Variants in CFAP96 observed in about 807,000 individuals in gnomAD.
CFAP96 encodes the protein cilia-and flagella-associated protein 96.
chr4:185,429,003 C>G, the CFAP96 span, among the ~76,000 whole-genome samples: 2 of 152,198 alleles, frequency 1.3e-5, no homozygotes, highest in Admixed American at 1.3e-4. Flanking sequence ...CCCTGAACTT[C>G]TCAAAAGAAG....
At chr4:185,424,975 G>A in the CFAP96 span, among the ~76,000 whole-genome samples, 1 of 152,338 alleles carries the variant, frequency 6.6e-6, no homozygotes, top group East Asian at 1.9e-4. Flanking sequence ...GAGTGAAGGT[G>A]CAATAGCCCA....
At chr4:185,432,057 C>G in the CFAP96 span, 1 of 1,551,556 alleles carries the variant, frequency 6.4e-7, no homozygotes, top group South Asian at 1.2e-5. Flanking sequence ...GATCTTCAGG[C>G]AGGTTATTTT....
At chr4:185,429,711 C>G in the CFAP96 span, among the ~76,000 whole-genome samples, 1 of 152,108 alleles carries the variant, frequency 6.6e-6, no homozygotes, top group African/African-American at 2.4e-5. Context: ...CTTTGTTACC[C>G]AGGCTGGAGT....
At chr4:185,426,230 A>C in the CFAP96 span, 51 of 268,902 alleles carry the variant, frequency 1.9e-4, no homozygotes, top group East Asian at 3.1e-4. Flanking sequence ...TCACACAATA[A>C]ACGCCAGCTG....
chr4:185,426,101 CT>C, the CFAP96 span: 5 of 586,446 alleles, frequency 8.5e-6, no homozygotes, highest in African/African-American at 1.9e-5. Context: ...TTAGTTAAGT[CT>C]TTTCTGTCCT....
At chr4:185,424,852 T>C in the CFAP96 span, among the ~76,000 whole-genome samples, 1 of 152,212 alleles carries the variant, frequency 6.6e-6, no homozygotes, top group African/African-American at 2.4e-5. Flanking sequence ...CTTCCCAGGG[T>C]TGTTATGAAG....
chr4:185,411,550 A>T, the CFAP96 span, among the ~76,000 whole-genome samples: 1 of 152,226 alleles, frequency 6.6e-6, no homozygotes, highest in African/African-American at 2.4e-5. Flanking sequence ...AAAAATAATG[A>T]GTCATAACCA....
the CFAP96 span, among the ~76,000 whole-genome samples, chr4:185,419,319 A>T: frequency 5.3e-5 from 8 of 151,966 alleles, no homozygotes; most frequent in African/African-American, 1.9e-4. Context: ...TTTAGTAGAG[A>T]CGGGGTTTCA....
At chr4:185,410,104 A>ACT in the CFAP96 span, among the ~76,000 whole-genome samples, 1 of 152,172 alleles carries the variant, frequency 6.6e-6, no homozygotes, top group African/African-American at 2.4e-5. Context: ...TTCACTTAGA[A>ACT]TTCTTTCTGA....
the CFAP96 span, among the ~76,000 whole-genome samples, chr4:185,424,396 G>A: frequency 1.3e-5 from 2 of 152,278 alleles, no homozygotes; most frequent in East Asian, 3.9e-4. Flanking sequence ...GTATTAAATA[G>A]GTACCAATAC....
the CFAP96 span, among the ~76,000 whole-genome samples, chr4:185,419,962 T>C: frequency 1.3e-5 from 2 of 152,218 alleles, no homozygotes; most frequent in Non-Finnish European, 2.9e-5. Context: ...ATGGCAACTC[T>C]CTATTTCACA....
the CFAP96 span, among the ~76,000 whole-genome samples, chr4:185,408,983 A>T: frequency 1.3e-5 from 2 of 152,154 alleles, no homozygotes; most frequent in African/African-American, 2.4e-5. Context: ...TACATTACTT[A>T]TCATTTAAAA....
At chr4:185,449,802 G>C in the CFAP96 span, 486,393 of 487,244 alleles carry the variant, frequency 1, 242,782 homozygotes, top group East Asian at 1. Context: ...AATACTACTA[G>C]TTAATAAATA....
chr4:185,432,698 A>T, the CFAP96 span, among the ~76,000 whole-genome samples: 2 of 152,246 alleles, frequency 1.3e-5, no homozygotes, highest in African/African-American at 4.8e-5. Flanking sequence ...CCCCATCTCT[A>T]CAAAAGTTAA....
the CFAP96 span, among the ~76,000 whole-genome samples, chr4:185,421,731 A>G: frequency 6.6e-6 from 1 of 152,208 alleles, no homozygotes; most frequent in East Asian, 1.9e-4. Flanking sequence ...AGACTAATAC[A>G]GTACTTTTAA....
the CFAP96 span, among the ~76,000 whole-genome samples, chr4:185,443,727 G>A: frequency 1.3e-5 from 2 of 151,668 alleles, no homozygotes; most frequent in African/African-American, 4.8e-5. Context: ...TACAGATTTA[G>A]CTATGAACTT....
chr4:185,422,114 AG>A, the CFAP96 span, among the ~76,000 whole-genome samples: 1 of 152,204 alleles, frequency 6.6e-6, no homozygotes, highest in Non-Finnish European at 1.5e-5. Context: ...CATATAATGT[AG>A]TATTTAAGAG....
At chr4:185,439,040 A>G in the CFAP96 span, among the ~76,000 whole-genome samples, 44 of 152,342 alleles carry the variant, frequency 2.9e-4, no homozygotes, top group Admixed American at 2.0e-3. Context: ...CAAATAGAGT[A>G]TTCTTCTGGT....
At chr4:185,427,196 A>G in the CFAP96 span, among the ~76,000 whole-genome samples, 9 of 152,230 alleles carry the variant, frequency 5.9e-5, no homozygotes, top group African/African-American at 2.2e-4. Context: ...CGTGAGAGGG[A>G]GGAACCTGTC....
Sources: allele counts gnomAD v4.1 joint callset (sites outside exome capture counted in the v4.1 genomes callset), GRCh38; gene constraint gnomAD v4.1.1; transcripts MANE v1.5; gene names NCBI Gene and HGNC (gene_info 2026-07-23, HGNC 2026-07-21).